SORCS1: variants seen among roughly 807,000 people sequenced by gnomAD.
SORCS1 encodes VPS10 domain-containing receptor SorCS1.
Under a neutral mutation model 146.1 loss-of-function variants are expected in SORCS1, and 60 were observed. That is an observed-to-expected ratio of 0.41 (90% CI 0.33 to 0.51). The LOEUF is 0.51. SORCS1 is among the 20% of genes least tolerant of loss of function. The probability of loss-of-function intolerance (pLI) is 0.21; values close to 1 mark genes in which losing one functional copy is unlikely to be tolerated. For missense variants in SORCS1, 1,352 were observed against 1,487.6 expected, an observed-to-expected ratio of 0.91 and a Z score of 1.50; for synonymous variants, 637 against 584.0, an observed-to-expected ratio of 1.09 and a Z score of -1.31.
intron 3 of SORCS1, among the ~76,000 whole-genome samples, chr10:106,778,194 G>T (rs1860608512): frequency 6.6e-6 from 1 of 152,034 alleles, no homozygotes; most frequent in Admixed American, 6.6e-5. Context: ...ATGCTATCCA[G>T]GACGAATTTA....
At chr10:106,761,155 C>G (rs1859080170) in intron 5 of SORCS1, among the ~76,000 whole-genome samples, 1 of 151,964 alleles carries the variant, frequency 6.6e-6, no homozygotes. Context: ...GATCTAAAAT[C>G]AGGAATGAGA....
intron 8 of SORCS1, among the ~76,000 whole-genome samples, chr10:106,702,187 A>G (rs1407579966): frequency 1.3e-5 from 2 of 152,200 alleles, no homozygotes; most frequent in Admixed American, 1.3e-4. Flanking sequence ...CTTGACAACC[A>G]AACCTCCCAT....
intron 1 of SORCS1, among the ~76,000 whole-genome samples, chr10:106,977,589 A>ATTTT (rs35526585): frequency 0.015 from 1,997 of 133,376 alleles, 25 homozygotes; most frequent in African/African-American, 0.023. Context: ...CATTCATTGG[A>ATTTT]TTTTTTTTTT....
chr10:107,111,394 T>C (rs1037009061), intron 1 of SORCS1, among the ~76,000 whole-genome samples: 9 of 151,916 alleles, frequency 5.9e-5, no homozygotes, highest in Admixed American at 5.2e-4. Flanking sequence ...CAAACAGAAA[T>C]CCTAGAGCTG....
At chr10:107,092,070 T>C (rs148570542) in intron 1 of SORCS1, among the ~76,000 whole-genome samples, 48 of 152,282 alleles carry the variant, frequency 3.2e-4, no homozygotes, top group Non-Finnish European at 5.1e-4. Flanking sequence ...AAAGTTGATT[T>C]AGGAAGGAAG....
At chr10:106,984,917 G>A (rs115571426) in intron 1 of SORCS1, among the ~76,000 whole-genome samples, 64 of 152,172 alleles carry the variant, frequency 4.2e-4, no homozygotes, top group African/African-American at 1.4e-3. Context: ...GCCGGGTGCC[G>A]TGGCTCATGC....
At chr10:106,714,612 G>GT (rs917198394) in intron 6 of SORCS1, among the ~76,000 whole-genome samples, 1 of 152,052 alleles carries the variant, frequency 6.6e-6, no homozygotes, top group Non-Finnish European at 1.5e-5. Context: ...ATGGACCTGA[G>GT]TTTTTTTGCA....
chr10:106,764,825 C>T (rs972995441), intron 4 of SORCS1, among the ~76,000 whole-genome samples: 2 of 151,864 alleles, frequency 1.3e-5, no homozygotes, highest in African/African-American at 4.8e-5. Flanking sequence ...AGATTGAGAC[C>T]ATCCTGGCTA....
At chr10:107,097,640 T>C (rs1434166793) in intron 1 of SORCS1, among the ~76,000 whole-genome samples, 2 of 152,200 alleles carry the variant, frequency 1.3e-5, no homozygotes, top group African/African-American at 2.4e-5. Context: ...TCTTCTTACC[T>C]GTGCCTGCAG....
rs1564838013 is a variant in SORCS1, at chr10:106,944,871, C to CTTTTTTTTTTT, written c.626+11641_626+11642insAAAAAAAAAAA. ...ATGGTAGAAAGAAGCAAGAAAGAGC[C>CTTTTTTTTTTT]TTCTTTTTTTTTTTTTTTTTTTTTT... On this transcript the variant is annotated intron_variant, in intron 2 of 25. Coordinates refer to ENST00000263054, the MANE Select transcript of SORCS1 (RefSeq NM_052918.5). Among the ~76,000 whole-genome samples the CTTTTTTTTTTT allele has an allele frequency of 5.4e-3, 329 of 60,998 alleles. 41 individuals carry two copies. Among genetic ancestry groups the CTTTTTTTTTTT allele is most frequent in the East Asian group, 0.012 (30 of 2,534 alleles). 40.0% of individuals were successfully genotyped at this position (60,998 alleles called of 152,430 possible).
At chr10:106,643,397 C>T (rs1013099225) in intron 18 of SORCS1, among the ~76,000 whole-genome samples, 1 of 152,232 alleles carries the variant, frequency 6.6e-6, no homozygotes, top group African/African-American at 2.4e-5. Context: ...ATCACGTGCA[C>T]CTCCCGTGCC....
intron 1 of SORCS1, among the ~76,000 whole-genome samples, chr10:107,019,383 G>A (rs1458513066): frequency 6.6e-6 from 1 of 152,112 alleles, no homozygotes; most frequent in African/African-American, 2.4e-5. Flanking sequence ...GCTCAGCATA[G>A]TCCCTATCAT....
rs1959799171 is a variant in SORCS1, at chr10:107,048,909, T to C, written c.559-92329A>G. ...TGTTTCAGAAACCTGTACTAAGGACTCTTTAAAAGGAGAATAGCAACACAT... is the reference window on the plus strand; with the variant it reads ...TGTTTCAGAAACCTGTACTAAGGACCCTTTAAAAGGAGAATAGCAACACAT... On this transcript the variant is annotated intron_variant, in intron 1 of 25. Coordinates refer to ENST00000263054, the MANE Select transcript of SORCS1 (RefSeq NM_052918.5). Among the ~76,000 whole-genome samples the C allele has an allele frequency of 2.0e-5, 3 of 152,090 alleles. No homozygotes were observed. The South Asian group carries it at 6.2e-4, about 32-fold the overall frequency.
chr10:106,721,438 TTTAAAG>T (rs1855771618), intron 6 of SORCS1, among the ~76,000 whole-genome samples: 1 of 48,454 alleles, frequency 2.1e-5, no homozygotes, highest in East Asian at 4.5e-4. Context: ...GATTTGATTT[TTTAAAG>T]TTCACTGAAG....
chr10:106,707,903 G>A (rs747720213), intron 7 of SORCS1, among the ~76,000 whole-genome samples: 7 of 152,134 alleles, frequency 4.6e-5, no homozygotes, highest in Non-Finnish European at 8.8e-5. Context: ...CAACAAATGC[G>A]CATGTTCATC....
In SORCS1 at chr10:106,798,491, A is replaced by T. The variant is rs192153663; in HGVS notation, c.727-21799T>A. ...TGTGATGTTCCCCTTCCTGTGTCCA[A>T]GTGTTCTCATTGTTCAATTCCCACC... On this transcript the variant is annotated intron_variant, in intron 3 of 25. Transcript: ENST00000263054. 4.4e-3 allele frequency among the ~76,000 whole-genome samples: 588 copies of T among 132,470 alleles called. 5 individuals carry two copies. Among genetic ancestry groups the T allele is most frequent in the African/African-American group, 0.017 (565 of 34,110 alleles). The allele number at this position is 132,470 out of a possible 152,430, so 86.9% of individuals were successfully genotyped here.
intron 1 of SORCS1, among the ~76,000 whole-genome samples, chr10:107,152,932 T>C (rs1352988461): frequency 6.6e-6 from 1 of 152,188 alleles, no homozygotes; most frequent in Non-Finnish European, 1.5e-5. Flanking sequence ...TTTCTTTGCC[T>C]GTGGTCTCTC....
At chr10:106,624,788 A>G (rs888894822) in intron 19 of SORCS1, among the ~76,000 whole-genome samples, 3 of 152,268 alleles carry the variant, frequency 2.0e-5, no homozygotes, top group African/African-American at 7.2e-5. Flanking sequence ...CACATATTAA[A>G]TTTATCTTTC....
At chr10:106,801,602 C>A (rs1454630765) in intron 3 of SORCS1, among the ~76,000 whole-genome samples, 1 of 147,050 alleles carries the variant, frequency 6.8e-6, no homozygotes, top group African/African-American at 2.5e-5. Context: ...GATCTCGGCT[C>A]ACTGCAAAGC....
Sources: allele counts gnomAD v4.1 joint callset (sites outside exome capture counted in the v4.1 genomes callset), GRCh38; gene constraint gnomAD v4.1.1; transcripts MANE v1.5; gene names NCBI Gene and HGNC (gene_info 2026-07-23, HGNC 2026-07-21).